PLCB1: variants seen among roughly 807,000 people sequenced by gnomAD.
The protein encoded by PLCB1 is phospholipase C beta 1, also known as 1-phosphatidylinositol 4,5-bisphosphate phosphodiesterase beta-1.
PLCB1 carries 46 observed loss-of-function variants against 161.8 expected under a neutral mutation model. That is an observed-to-expected ratio of 0.28 (90% CI 0.22 to 0.36). The LOEUF is 0.36. Ranked by LOEUF, PLCB1 falls within the 10% of genes least tolerant of loss-of-function variation. The pLI, the probability that PLCB1 is intolerant of heterozygous loss-of-function variation, is 1.00. For missense variants in PLCB1, 1,016 were observed against 1,472.5 expected (o/e 0.69, Z 5.07); for synonymous variants, 517 against 503.7 (o/e 1.03, Z -0.35).
intron 3 of PLCB1, among the ~76,000 whole-genome samples, chr20:8,456,458 T>C (rs1053830690): frequency 1.3e-5 from 2 of 152,234 alleles, no homozygotes; most frequent in Non-Finnish European, 2.9e-5. Flanking sequence ...GAATTTTTTT[T>C]CTTTTTTGTC....
chr20:8,412,837 A>G (rs1286451673), intron 3 of PLCB1, among the ~76,000 whole-genome samples: 11 of 152,134 alleles, frequency 7.2e-5, no homozygotes, highest in Admixed American at 7.2e-4. Flanking sequence ...ATAAAACAAC[A>G]TGGAGGAAAC....
At chr20:8,303,565 A>C (rs1009711508) in intron 2 of PLCB1, among the ~76,000 whole-genome samples, 2 of 152,186 alleles carry the variant, frequency 1.3e-5, no homozygotes, top group Non-Finnish European at 2.9e-5. Context: ...GGATTACAGA[A>C]GCACAATATA....
At chr20:8,795,266 G>A (rs1218209199) in intron 31 of PLCB1, among the ~76,000 whole-genome samples, 1 of 152,242 alleles carries the variant, frequency 6.6e-6, no homozygotes, top group South Asian at 2.1e-4. Context: ...TCATTTTGTA[G>A]GTAATTTTGA....
At chr20:8,221,099 T>C (rs1027127814) in intron 2 of PLCB1, among the ~76,000 whole-genome samples, 1 of 152,156 alleles carries the variant, frequency 6.6e-6, no homozygotes, top group Non-Finnish European at 1.5e-5. Context: ...TGAAATATTA[T>C]ATGCAGCTTG....
At chr20:8,371,492 ATTGT>A (rs773191451) in intron 3 of PLCB1, 42 bp downstream of exon 3, 1 of 1,374,436 alleles carries the variant, frequency 7.3e-7, no homozygotes, top group East Asian at 2.3e-5. Flanking sequence ...TGCTGCCTTG[ATTGT>A]TTGGCTGTGT....
chr20:8,629,959 CTTTCTTCTTTCTTTCTTTCTTTCT>C (rs1327840806), intron 4 of PLCB1, among the ~76,000 whole-genome samples: 5 of 102,270 alleles, frequency 4.9e-5, no homozygotes, highest in African/African-American at 1.4e-4. Flanking sequence ...TCTTTTCTTT[CTTTCTTCTTTCTTTCTTTCTTTCT>C]TTCTTTCTTT....
intron 3 of PLCB1, among the ~76,000 whole-genome samples, chr20:8,409,969 G>A (rs1978969732): frequency 6.6e-6 from 1 of 151,878 alleles, no homozygotes; most frequent in African/African-American, 2.4e-5. Flanking sequence ...TTGAGTCTGA[G>A]GAAAATGATC....
intron 2 of PLCB1, among the ~76,000 whole-genome samples, chr20:8,309,540 G>C (rs1984295713): frequency 6.6e-6 from 1 of 152,172 alleles, no homozygotes; most frequent in Admixed American, 6.5e-5. Flanking sequence ...CTGGCTAATA[G>C]TTTTGTTAAT....
At chr20:8,760,946 A>G (rs1186180064) in intron 25 of PLCB1, among the ~76,000 whole-genome samples, 1 of 152,236 alleles carries the variant, frequency 6.6e-6, no homozygotes, top group Non-Finnish European at 1.5e-5. Context: ...AATTAGCAGT[A>G]TGTAGTGGAA....
chr20:8,565,485 TTAAAG>T (rs1238385135), intron 3 of PLCB1, among the ~76,000 whole-genome samples: 3 of 151,500 alleles, frequency 2.0e-5, no homozygotes, highest in Non-Finnish European at 4.4e-5. Context: ...TAATAAAAAC[TTAAAG>T]TATAATAAAC....
chr20:8,253,769 T>G (rs79010737), intron 2 of PLCB1, among the ~76,000 whole-genome samples: 2,148 of 151,974 alleles, frequency 0.014, 23 homozygotes, highest in Non-Finnish European at 0.025. Context: ...CTGGTCCCTT[T>G]CCTCCCTCCC....
intron 3 of PLCB1, among the ~76,000 whole-genome samples, chr20:8,599,045 CTT>C (rs1314556747): frequency 1.4e-5 from 2 of 146,628 alleles, no homozygotes; most frequent in Admixed American, 6.8e-5. Flanking sequence ...GGTCTTGACT[CTT>C]TATCCAATTT....
intron 2 of PLCB1, among the ~76,000 whole-genome samples, chr20:8,156,648 G>A (rs1028020630): frequency 1.3e-5 from 2 of 152,194 alleles, no homozygotes; most frequent in African/African-American, 2.4e-5. Flanking sequence ...AACCAGCTTT[G>A]AAGCTGTGAC....
intron 2 of PLCB1, among the ~76,000 whole-genome samples, chr20:8,294,461 T>G (rs1983532570): frequency 6.6e-6 from 1 of 152,052 alleles, no homozygotes; most frequent in Non-Finnish European, 1.5e-5. Flanking sequence ...GTACACACAA[T>G]TTATATGCAT....
In PLCB1 at chr20:8,872,727, T is replaced by A. The variant is rs570266752; in HGVS notation, c.3424-8895T>A. ...TCCCTTTGTGGATGTTTTTCCTCAATGTGCTCCATGAATCATTTGCTTCCT... is the reference window on the plus strand; with the variant it reads ...TCCCTTTGTGGATGTTTTTCCTCAAAGTGCTCCATGAATCATTTGCTTCCT... On this transcript the variant is annotated intron_variant, in intron 31 of 31. Transcript: ENST00000338037. Among the ~76,000 whole-genome samples the A allele has an allele frequency of 6.6e-5, 10 of 152,252 alleles. No individual in the cohort carries two copies. In the South Asian group the frequency reaches 2.1e-3, roughly 32 times the overall value.
intron 14 of PLCB1, 112 bp from the exon 15 acceptor site, chr20:8,722,242 G>A: frequency 2.7e-6 from 2 of 738,826 alleles, no homozygotes; most frequent in Middle Eastern, 2.4e-4. Flanking sequence ...ATTTTAAACA[G>A]CCCAACTTCC....
chr20:8,475,709 T>G (rs1982248298), intron 3 of PLCB1, among the ~76,000 whole-genome samples: 1 of 152,220 alleles, frequency 6.6e-6, no homozygotes, highest in Admixed American at 6.5e-5. Flanking sequence ...ATATAACATC[T>G]TAGATATAGC....
chr20:8,810,480 T>A (rs1386084168), intron 31 of PLCB1, among the ~76,000 whole-genome samples: 1 of 152,092 alleles, frequency 6.6e-6, no homozygotes, highest in Non-Finnish European at 1.5e-5. Context: ...TGATTTACAG[T>A]TTTCGCCCTT....
At chr20:8,666,573 G>A (rs1021980550) in intron 9 of PLCB1, among the ~76,000 whole-genome samples, 1 of 152,180 alleles carries the variant, frequency 6.6e-6, no homozygotes, top group Non-Finnish European at 1.5e-5. Context: ...TAGTCAAACT[G>A]TCAGTTTATT....
Sources: gnomAD v4.1 joint callset for allele counts (sites outside exome capture counted in the v4.1 genomes callset) on GRCh38, gnomAD v4.1.1 for gene constraint, MANE v1.5 for transcripts, NCBI Gene and HGNC (gene_info 2026-07-23, HGNC 2026-07-21) for gene names.